SPTLC3: variants seen among roughly 807,000 people sequenced by gnomAD.
SPTLC3 encodes the protein serine palmitoyltransferase long chain base subunit 3.
A neutral mutation model predicts 59.3 loss-of-function variants in SPTLC3; 36 were observed. That is an observed-to-expected ratio of 0.61 (90% CI 0.47 to 0.80). SPTLC3 has a LOEUF of 0.80. Among genes scored for constraint, SPTLC3 ranks in the 30% least tolerant of loss-of-function variants. SPTLC3 has a pLI of 0.00. For missense variants in SPTLC3, 625 were observed against 685.1 expected, an observed-to-expected ratio of 0.91 and a Z score of 0.98; for synonymous variants, 257 against 240.8, an observed-to-expected ratio of 1.07 and a Z score of -0.62.
At chr20:13,122,628 C>T (rs1044527137) in intron 8 of SPTLC3, among the ~76,000 whole-genome samples, 1 of 152,168 alleles carries the variant, frequency 6.6e-6, no homozygotes, top group African/African-American at 2.4e-5. Flanking sequence ...ACAGTACCTA[C>T]CTTAAAGAGT....
At chr20:13,149,046 C>T (rs1317307989) in intron 9 of SPTLC3, among the ~76,000 whole-genome samples, 1 of 152,206 alleles carries the variant, frequency 6.6e-6, no homozygotes, top group Admixed American at 6.5e-5. Flanking sequence ...GATTCCCATT[C>T]CACTTAACTC....
intron 1 of SPTLC3, among the ~76,000 whole-genome samples, chr20:13,034,993 G>A (rs962087415): frequency 6.6e-6 from 1 of 152,186 alleles, no homozygotes; most frequent in African/African-American, 2.4e-5. Flanking sequence ...CATTGCTACT[G>A]TGCCTATCCT....
intron 10 of SPTLC3, among the ~76,000 whole-genome samples, chr20:13,155,735 A>T (rs887483869): frequency 6.6e-6 from 1 of 152,170 alleles, no homozygotes; most frequent in Non-Finnish European, 1.5e-5. Flanking sequence ...CTGAGGCAGG[A>T]AAGTGGCATG....
intron 8 of SPTLC3, among the ~76,000 whole-genome samples, chr20:13,124,336 A>G (rs545820818): frequency 5.1e-4 from 78 of 152,044 alleles, no homozygotes; most frequent in African/African-American, 1.8e-3. Flanking sequence ...GAAAAGAGGA[A>G]AGAAGGAAGG....
At chr20:13,022,229 T>G (rs1024195339) in intron 1 of SPTLC3, among the ~76,000 whole-genome samples, 7 of 152,148 alleles carry the variant, frequency 4.6e-5, no homozygotes, top group African/African-American at 1.7e-4. Flanking sequence ...CAGTAAAACA[T>G]GAGCTGACCT....
At chr20:13,091,312 C>A in intron 5 of SPTLC3, 105 bp downstream of exon 5, 2 of 1,412,546 alleles carry the variant, frequency 1.4e-6, no homozygotes, top group Non-Finnish European at 1.9e-6. Context: ...CGGTGGTTCA[C>A]GCCTGTAATC....
intron 9 of SPTLC3, among the ~76,000 whole-genome samples, chr20:13,127,213 C>A (rs911369175): frequency 1.3e-5 from 2 of 152,180 alleles, no homozygotes; most frequent in African/African-American, 4.8e-5. Context: ...GTCAGTGGGA[C>A]CAGAGCTAAA....
chr20:13,067,395 G>GC (rs551994440), intron 2 of SPTLC3, among the ~76,000 whole-genome samples: 18 of 152,126 alleles, frequency 1.2e-4, no homozygotes, highest in Admixed American at 8.5e-4. Flanking sequence ...TTACATCCAT[G>GC]CCAGTCTTCT....
intron 10 of SPTLC3, among the ~76,000 whole-genome samples, chr20:13,157,264 C>G (rs1304196594): frequency 1.3e-5 from 1 of 78,218 alleles, no homozygotes; most frequent in Non-Finnish European, 2.4e-5. Flanking sequence ...CCTGTTTCTA[C>G]TAAAAGTACA....
At chr20:13,039,822 A>G (rs1255472924) in intron 1 of SPTLC3, among the ~76,000 whole-genome samples, 1 of 152,052 alleles carries the variant, frequency 6.6e-6, no homozygotes, top group Non-Finnish European at 1.5e-5. Context: ...ATGTTAATGT[A>G]CCAAAATCAA....
At chr20:13,037,473 G>T (rs1986786110) in intron 1 of SPTLC3, among the ~76,000 whole-genome samples, 1 of 152,192 alleles carries the variant, frequency 6.6e-6, no homozygotes, top group Non-Finnish European at 1.5e-5. Flanking sequence ...AGCCACACTT[G>T]CACTCAAGTC....
chr20:13,134,754 A>G (rs1385061002), intron 9 of SPTLC3, among the ~76,000 whole-genome samples: 1 of 151,678 alleles, frequency 6.6e-6, no homozygotes, highest in East Asian at 1.9e-4. Context: ...ACAAAGGTAA[A>G]GGACCTAGCA....
chr20:13,067,505 T>C (rs915530028), intron 2 of SPTLC3, among the ~76,000 whole-genome samples: 4 of 152,198 alleles, frequency 2.6e-5, no homozygotes, highest in African/African-American at 9.6e-5. Flanking sequence ...TTCTGATTCA[T>C]TGATGACACT....
chr20:13,118,770 T>C (rs1029726145), intron 8 of SPTLC3, among the ~76,000 whole-genome samples: 1 of 152,336 alleles, frequency 6.6e-6, no homozygotes, highest in South Asian at 2.1e-4. Flanking sequence ...AGTTCAGACT[T>C]CTGGTAAACC....
intron 4 of SPTLC3, among the ~76,000 whole-genome samples, chr20:13,079,406 C>A (rs1232436022): frequency 6.6e-6 from 1 of 152,102 alleles, no homozygotes; most frequent in African/African-American, 2.4e-5. Context: ...TATATTCCCA[C>A]CTCACATATT....
chr20:13,035,887 T>G (rs1352399299), intron 1 of SPTLC3, among the ~76,000 whole-genome samples: 1 of 152,180 alleles, frequency 6.6e-6, no homozygotes, highest in African/African-American at 2.4e-5. Context: ...TTCACCCTAA[T>G]TAAGTAAGGC....
intron 6 of SPTLC3, among the ~76,000 whole-genome samples, chr20:13,094,197 C>T (rs572401823): frequency 7.9e-5 from 12 of 152,284 alleles, no homozygotes; most frequent in Middle Eastern, 3.4e-3. Flanking sequence ...TCTGAGTTCT[C>T]TCGTCCAGCT....
chr20:13,121,587 C>T (rs1215554254), intron 8 of SPTLC3, among the ~76,000 whole-genome samples: 1 of 152,102 alleles, frequency 6.6e-6, no homozygotes, highest in Non-Finnish European at 1.5e-5. Flanking sequence ...GACCTCTAAC[C>T]CACCCTGAAG....
At chr20:13,055,011 TAGGAAAGAGGCAGGTGGA>T (rs1316345600) in intron 2 of SPTLC3, among the ~76,000 whole-genome samples, 2 of 151,956 alleles carry the variant, frequency 1.3e-5, no homozygotes, top group East Asian at 1.9e-4. Context: ...GTGCTTGAAC[TAGGAAAGAGGCAGGTGGA>T]AGGAAAAGGA....
Sources: gnomAD v4.1 joint callset for allele counts (sites outside exome capture counted in the v4.1 genomes callset) on GRCh38, gnomAD v4.1.1 for gene constraint, MANE v1.5 for transcripts, NCBI Gene and HGNC (gene_info 2026-07-23, HGNC 2026-07-21) for gene names.